TIMMDC1: variants seen among roughly 807,000 people sequenced by gnomAD.
TIMMDC1 encodes complex I assembly factor TIMMDC1, mitochondrial.
Under a neutral mutation model 32.6 loss-of-function variants are expected in TIMMDC1, and 25 were observed. The ratio of observed to expected loss-of-function variants is 0.77; its 90% CI spans 0.56 to 1.07. The LOEUF is 1.07. Among genes scored for constraint, TIMMDC1 ranks in the 50% least tolerant of loss-of-function variants. TIMMDC1 has a pLI of 0.00. For missense variants in TIMMDC1, 329 were observed against 349.2 expected (o/e 0.94, Z 0.46); for synonymous variants, 130 against 127.6 (o/e 1.02, Z -0.13).
In TIMMDC1 at chr3:119,523,812, G is replaced by T; in HGVS notation, c.*56G>T. ...GCTGAAGGGAGCTGCCATGTCCGAT[G>T]AATGCCAACAGACAGGCCACTCTTT... On this transcript the variant is annotated 3_prime_UTR_variant, in exon 7 of 7. Transcript: ENST00000494664. 1.4e-6 allele frequency: 2 copies of T among 1,469,250 alleles called. No homozygotes were observed. Among genetic ancestry groups the T allele is most frequent in the Non-Finnish European group, 1.8e-6 (2 of 1,105,788 alleles). The allele number at this position is 1,469,250 out of a possible 1,614,324, so 91.0% of individuals were successfully genotyped here.
At chr3:119,510,090 G>A (rs2081943730) in intron 4 of TIMMDC1, among the ~76,000 whole-genome samples, 1 of 152,094 alleles carries the variant, frequency 6.6e-6, no homozygotes. Context: ...CACAGAAGGG[G>A]AAAAAGGCAG....
At position 119,498,623 on chromosome 3, in the gene TIMMDC1, C is replaced by T. The variant is rs2107724668; in HGVS notation, c.-111C>T. ...TCGAGCCCTCTGGCAGAGGGTTAACCTGGGTCAAATGCACGGATTCTCACC... is the reference window on the plus strand; with the variant it reads ...TCGAGCCCTCTGGCAGAGGGTTAACTTGGGTCAAATGCACGGATTCTCACC... On this transcript the variant is annotated 5_prime_UTR_variant, in exon 1 of 7. Coordinates refer to ENST00000494664, the MANE Select transcript of TIMMDC1 (RefSeq NM_016589.4). 1.8e-6 allele frequency: 2 copies of T among 1,109,962 alleles called. No homozygotes were observed. Among genetic ancestry groups the T allele is most frequent in the East Asian group, 2.4e-5 (1 of 42,342 alleles). 68.8% of individuals were successfully genotyped at this position (1,109,962 alleles called of 1,614,324 possible).
intron 4 of TIMMDC1, among the ~76,000 whole-genome samples, chr3:119,511,874 A>G (rs1431494861): frequency 6.6e-6 from 1 of 152,246 alleles, no homozygotes; most frequent in African/African-American, 2.4e-5. Flanking sequence ...CTTCTGGCCT[A>G]TCAAATTGGA....
At chr3:119,522,243 T>C (rs1345975771) in intron 6 of TIMMDC1, among the ~76,000 whole-genome samples, 1 of 152,196 alleles carries the variant, frequency 6.6e-6, no homozygotes, top group African/African-American at 2.4e-5. Context: ...AATGTAATCC[T>C]GTCATTTGTG....
At chr3:119,505,230 TG>T (rs1280602109) in intron 4 of TIMMDC1, among the ~76,000 whole-genome samples, 1 of 152,210 alleles carries the variant, frequency 6.6e-6, no homozygotes, top group Non-Finnish European at 1.5e-5. Flanking sequence ...AATTTTTACT[TG>T]TCAGATTTAA....
intron 4 of TIMMDC1, among the ~76,000 whole-genome samples, chr3:119,509,122 C>T (rs1961132): frequency 0.21 from 31,987 of 151,908 alleles, 3,955 homozygotes; most frequent in Middle Eastern, 0.29. Context: ...AGGAAAATGG[C>T]GTGAACCTGG....
Position 119,513,641 on chromosome 3 carries a change from C to T in TIMMDC1, c.518C>T (p.Ala173Val), listed in dbSNP as rs767347267. 1 of 1,610,254 alleles carries T rather than the reference C, an allele frequency of 6.2e-7. No individual in the cohort carries two copies. Among genetic ancestry groups the T allele is most frequent in the East Asian group, 2.2e-5 (1 of 44,780 alleles). ...DALSHFVIAGAVTGSLFRINV... is the reference protein window; with the variant it reads ...DALSHFVIAGVVTGSLFRINV... ...TATTGCCTTTCTTGTTTTTAAATAG[C>T]TGTCACGGGAAGTCTTTTTAGGATA... Residue 173 changes from alanine to valine, a missense_variant and splice_region_variant, in exon 5 of 7, where the codon GCT becomes GTT. Physicochemically the swap from Ala to Val is moderately conservative, Grantham distance 64. Transcript: ENST00000494664.
In TIMMDC1 at chr3:119,525,047, T is replaced by C. The variant is rs1054284283; in HGVS notation, c.*1291T>C. ...ACCAGTTAAGTCTTTGGACTATCCC[T>C]TTCCTCCTTGACTACTGCTTTGACG... On this transcript the variant is annotated 3_prime_UTR_variant, in exon 7 of 7. Transcript: ENST00000494664. 1.3e-5 allele frequency: 2 copies of C among 152,242 alleles called. No homozygotes were observed. Among genetic ancestry groups the C allele is most frequent in the African/African-American group, 4.8e-5 (2 of 41,470 alleles). 9.4% of individuals were successfully genotyped at this position (152,242 alleles called of 1,614,324 possible). A position where few individuals can be genotyped will look rare whatever the true frequency, so the allele number is the denominator to read the frequency against.
chr3:119,519,025 A>T (rs1478401067), intron 6 of TIMMDC1, among the ~76,000 whole-genome samples: 1 of 152,234 alleles, frequency 6.6e-6, no homozygotes, highest in Non-Finnish European at 1.5e-5. Flanking sequence ...ACTGCCTTAT[A>T]AGAAATGCTT....
At chr3:119,505,980 T>C (rs2081916573) in intron 4 of TIMMDC1, among the ~76,000 whole-genome samples, 1 of 152,162 alleles carries the variant, frequency 6.6e-6, no homozygotes, top group South Asian at 2.1e-4. Context: ...TAAACGCGTG[T>C]CATGGAGATT....
chr3:119,522,122 G>A (rs985591455), intron 6 of TIMMDC1, among the ~76,000 whole-genome samples: 1 of 152,084 alleles, frequency 6.6e-6, no homozygotes, highest in African/African-American at 2.4e-5. Flanking sequence ...GCTTATTGTA[G>A]CACTATTAAT....
chr3:119,517,462 T>C, intron 6 of TIMMDC1, 147 bp downstream of exon 6: 1 of 559,696 alleles, frequency 1.8e-6, no homozygotes, highest in Middle Eastern at 2.9e-4. Context: ...ATACTGTACA[T>C]TGTCTTTTAA....
intron 6 of TIMMDC1, among the ~76,000 whole-genome samples, chr3:119,522,438 G>C (rs2082033293): frequency 6.6e-6 from 1 of 152,126 alleles, no homozygotes; most frequent in Non-Finnish European, 1.5e-5. Flanking sequence ...AGATTTAAGG[G>C]ATTGATTAAT....
At chr3:119,501,644 T>A (rs1232359962) in intron 2 of TIMMDC1, among the ~76,000 whole-genome samples, 3 of 152,194 alleles carry the variant, frequency 2.0e-5, no homozygotes, top group African/African-American at 7.2e-5. Flanking sequence ...TCATTTATTT[T>A]AAAAATAAAT....
chr3:119,507,675 T>C (rs2081926692), intron 4 of TIMMDC1, among the ~76,000 whole-genome samples: 1 of 152,224 alleles, frequency 6.6e-6, no homozygotes, highest in Admixed American at 6.5e-5. Flanking sequence ...TTAGTTTTAC[T>C]TGGTCTCTTC....
intron 4 of TIMMDC1, among the ~76,000 whole-genome samples, chr3:119,509,725 G>A (rs1399313401): frequency 5.5e-5 from 8 of 145,792 alleles, no homozygotes; most frequent in South Asian, 2.1e-4. Flanking sequence ...TTGCTCTGTC[G>A]CTCAGGCTGG....
chr3:119,510,025 G>A (rs1289851836), intron 4 of TIMMDC1, among the ~76,000 whole-genome samples: 5 of 151,922 alleles, frequency 3.3e-5, no homozygotes, highest in African/African-American at 1.2e-4. Context: ...GTACATTTAG[G>A]TGAATTTTGT....
chr3:119,500,982 A>T (rs780614951), intron 2 of TIMMDC1, 122 bp downstream of exon 2: 29 of 980,044 alleles, frequency 3.0e-5, no homozygotes, highest in Non-Finnish European at 4.0e-5. Context: ...TAAAGAAATA[A>T]AGTCTGTACT....
chr3:119,509,633 T>A (rs1223601221), intron 4 of TIMMDC1, among the ~76,000 whole-genome samples: 3 of 151,956 alleles, frequency 2.0e-5, no homozygotes, highest in African/African-American at 7.3e-5. Context: ...TTTGTAATGA[T>A]GGAATCATTT....
Sources: gnomAD v4.1 joint callset for allele counts (sites outside exome capture counted in the v4.1 genomes callset) on GRCh38, gnomAD v4.1.1 for gene constraint, MANE v1.5 for transcripts, NCBI Gene and HGNC (gene_info 2026-07-23, HGNC 2026-07-21) for gene names.